The following MED25 variants were observed in gnomAD, a reference collection of about 807,000 sequenced individuals.
MED25 encodes the protein mediator of RNA polymerase II transcription subunit 25.
Under a neutral mutation model 89.4 loss-of-function variants are expected in MED25, and 62 were observed. The observed-to-expected ratio is 0.69, with a 90% CI of 0.57 to 0.86. The LOEUF is 0.86. Among genes scored for constraint, MED25 ranks in the 40% least tolerant of loss-of-function variants. The pLI, the probability that MED25 is intolerant of heterozygous loss-of-function variation, is 0.00. For missense variants in MED25, 905 were observed against 1,005.2 expected, an observed-to-expected ratio of 0.90 and a Z score of 1.35; for synonymous variants, 449 against 427.9, an observed-to-expected ratio of 1.05 and a Z score of -0.61.
Position 49,836,727 on chromosome 19 carries a change from G to T in MED25, c.2147-120G>T. The T allele has an allele frequency of 1.3e-6, 1 of 786,030 alleles. No individual in the cohort carries two copies. The highest frequency in any genetic ancestry group is 2.2e-6 in the Non-Finnish European group (1 of 447,980). 48.7% of individuals were successfully genotyped at this position (786,030 alleles called of 1,614,324 possible). A position where few individuals can be genotyped will look rare whatever the true frequency, so the allele number is the denominator to read the frequency against. On this transcript the variant is annotated intron_variant, in intron 17 of 17. Coordinates refer to ENST00000312865, the MANE Select transcript of MED25 (RefSeq NM_030973.4). The surrounding 1 kb of genome is among the most constrained non-coding windows in gnomAD (Gnocchi z 5.1). ...GGAAACAGCATATTTGTAACTAGAT[G>T]GGGCCAGAAGGTGCTTCTGTTGGGT...
At position 49,828,998 on chromosome 19, in the gene MED25, A is replaced by C; in HGVS notation, c.433A>C (p.Ile145Leu). ...IGQTHRVCLL[I>L]CNSPPYLLPA... is the part of the protein sequence containing the mutation. ...CCAGACGCACCGGGTCTGCCTCCTC[A>C]TCTGCAACTCACCCCCATACTTGTT... Residue 145 changes from isoleucine to leucine, a missense_variant, in exon 5 of 18, where the codon ATC becomes CTC. Coordinates refer to ENST00000312865, the MANE Select transcript of MED25 (RefSeq NM_030973.4). The C allele has an allele frequency of 6.2e-7, 1 of 1,614,000 alleles. No individual in the cohort carries two copies. Among genetic ancestry groups the C allele is most frequent in the Non-Finnish European group, 8.5e-7 (1 of 1,179,986 alleles).
chr19:49,821,962 C>G (rs1488855992), intron 3 of MED25, among the ~76,000 whole-genome samples: 1 of 149,892 alleles, frequency 6.7e-6, no homozygotes, highest in African/African-American at 2.5e-5. Context: ...AACCCCGTCT[C>G]TACAAAAAAT....
Position 49,836,257 on chromosome 19 carries a change from C to A in MED25, c.1997C>A (p.Ser666Tyr). ...ACTGGGGTGCCCCCACCCCAGGCCT[C>A]CCTCCACCACCTCCAGCCACCAGGG... Reference protein sequence around the residue: ...PQTGVPPPQASLHHLQPPGAP... With the variant: ...PQTGVPPPQAYLHHLQPPGAP... The change falls in exon 17 of 18, where the codon TCC becomes TAC. Residue 666 changes from serine (S) to tyrosine (Y), a missense_variant. Around this residue, in one of 3 missense-constraint regions of MED25, gnomAD observed 271 missense variants for 258.1 expected, o/e 1.05. Transcript: ENST00000312865. The surrounding 1 kb of genome is among the most constrained non-coding windows in gnomAD (Gnocchi z 5.1). 1 of 1,612,530 alleles carries A rather than the reference C, an allele frequency of 6.2e-7. No individual in the cohort carries two copies. The highest frequency in any genetic ancestry group is 8.5e-7 in the Non-Finnish European group (1 of 1,179,820).
Position 49,831,333 on chromosome 19 carries a change from G to A in MED25, c.1102G>A (p.Ala368Thr). ...GGCCCTCCTTCCTCCCCTCTGGCAG[G>A]CAGGCACTGTGGCCCCAGGAGGGGT... ...PTAQPGAPSM[A>T]GTVAPGGVSG... The change falls in exon 10 of 18, where the codon GCA (alanine) becomes ACA (threonine). Residue 368 changes from alanine to threonine, a missense_variant and splice_region_variant. By Grantham distance (58) the Ala-to-Thr change is moderately conservative (BLOSUM62 0). Around this residue, in one of 3 missense-constraint regions of MED25, gnomAD observed 501 missense variants for 526.9 expected, o/e 0.95. Coordinates refer to ENST00000312865, the MANE Select transcript of MED25 (RefSeq NM_030973.4). The surrounding 1 kb of genome is among the most constrained non-coding windows in gnomAD (Gnocchi z 5.0). The A allele has an allele frequency of 6.2e-7, 1 of 1,610,648 alleles. No homozygotes were observed. Among genetic ancestry groups the A allele is most frequent in the African/African-American group, 1.3e-5 (1 of 75,004 alleles).
rs1245584687 is a variant in MED25, at chr19:49,835,322, C to T, written c.1674+145C>T. On this transcript the variant is annotated intron_variant, in intron 14 of 17. Coordinates refer to ENST00000312865, the MANE Select transcript of MED25 (RefSeq NM_030973.4). This position sits in a 1 kb window ranked among gnomAD's most constrained non-coding sequence, Gnocchi z 6.2. ...GCTAAGTCCCACTCAGATTTTCTTG[C>T]AGTCTCTCTCCTTTTTCAGCATCCA... The T allele has an allele frequency of 2.9e-6, 3 of 1,040,004 alleles. No individual in the cohort carries two copies. Among genetic ancestry groups the T allele is most frequent in the East Asian group, 2.5e-5 (1 of 39,416 alleles). 64.4% of individuals were successfully genotyped at this position (1,040,004 alleles called of 1,614,324 possible).
At position 49,830,058 on chromosome 19, in the gene MED25, T is replaced by C; in HGVS notation, c.689-30T>C. On this transcript the variant is annotated intron_variant, in intron 6 of 17. Coordinates refer to ENST00000312865, the MANE Select transcript of MED25 (RefSeq NM_030973.4). The surrounding 1 kb of genome is among the most constrained non-coding windows in gnomAD (Gnocchi z 4.6). Reference sequence around the variant, plus strand: ...TTCTCTGCATCTTGAATCCCTTCTCTCTGGGGTTGGCCATCCCTCCTGCTC... The same window carrying C: ...TTCTCTGCATCTTGAATCCCTTCTCCCTGGGGTTGGCCATCCCTCCTGCTC... The C allele has an allele frequency of 1.6e-5, 26 of 1,600,892 alleles. No homozygotes were observed. Among genetic ancestry groups the C allele is most frequent in the Non-Finnish European group, 2.2e-5 (26 of 1,173,428 alleles).
rs1336182446 is a variant in MED25 at position 49,819,241 on chromosome 19, T to G, written c.250T>G (p.Cys84Gly). The change falls in exon 3 of 18, where the codon TGT becomes GGT. Residue 84 changes from cysteine (C) to glycine (G), a missense_variant. Physicochemically the swap from Cys to Gly is radical, Grantham distance 159. Around this residue, in one of 3 missense-constraint regions of MED25, gnomAD observed 501 missense variants for 526.9 expected, o/e 0.95. Transcript: ENST00000312865. ...VDCAPESYVQ[C>G]HAPTSSAYEF... ...CTGCGCTCCCGAGTCCTACGTACAATGTCACGCTCCCACCAGCAGCGCCTA... is the reference window on the plus strand; with the variant it reads ...CTGCGCTCCCGAGTCCTACGTACAAGGTCACGCTCCCACCAGCAGCGCCTA... 2 of 1,614,208 alleles carry G rather than the reference T, an allele frequency of 1.2e-6. No individual in the cohort carries two copies. The highest frequency in any genetic ancestry group is 2.2e-5 in the South Asian group (2 of 91,090).
rs757593681 is a variant in MED25, at chr19:49,828,548, G to A, written c.404+1G>A. On this transcript the variant is annotated splice_donor_variant, in intron 4 of 17. Transcript: ENST00000312865. LOFTEE classifies it high-confidence loss of function. ...ACTTCAAGAAGATGCGCGAGCAGATGTGAGTGCCCCCTCCACCCAGGCCGG... is the reference window on the plus strand; with the variant it reads ...ACTTCAAGAAGATGCGCGAGCAGATATGAGTGCCCCCTCCACCCAGGCCGG... 3.1e-6 allele frequency: 5 copies of A among 1,611,544 alleles called. No homozygotes were observed. The South Asian group carries it at 4.4e-5, about 14-fold the overall frequency.
chr19:49,828,395 G>A, intron 3 of MED25, 54 bp from the exon 4 acceptor site: 1 of 1,223,304 alleles, frequency 8.2e-7, no homozygotes, highest in Admixed American at 1.7e-5. Context: ...TTCAAGCATA[G>A]CCTGGGGATG....
intron 2 of MED25, 172 bp downstream of exon 2, chr19:49,818,788 T>A (rs1391386900): frequency 5.7e-6 from 4 of 696,050 alleles, no homozygotes; most frequent in Non-Finnish European, 9.6e-6. Context: ...GACTCCTGGG[T>A]CTGAGGGTGG....
chr19:49,828,392 A>G lies in MED25; in HGVS notation c.306-57A>G, dbSNP rs537598942. 4 of 1,206,240 alleles carry G rather than the reference A, an allele frequency of 3.3e-6. No homozygotes were observed. The South Asian group carries it at 3.6e-5, about 11-fold the overall frequency. The allele number at this position is 1,206,240 out of a possible 1,614,324, so 74.7% of individuals were successfully genotyped here. A position where few individuals can be genotyped will look rare whatever the true frequency, so the allele number is the denominator to read the frequency against. On this transcript the variant is annotated intron_variant, in intron 3 of 17. Coordinates refer to ENST00000312865, the MANE Select transcript of MED25 (RefSeq NM_030973.4). ...CAGCATGGGAGCAGGCTCTTCAAGC[A>G]TAGCCTGGGGATGGGGATGATGGCA...
chr19:49,833,843 C>T (rs1266972132), intron 13 of MED25: 1 of 152,402 alleles, frequency 6.6e-6, no homozygotes, highest in Non-Finnish European at 1.5e-5. Context: ...CATGGCCTGT[C>T]CACGTGGCCA....
At chr19:49,823,699 C>G (rs1022159337) in intron 3 of MED25, among the ~76,000 whole-genome samples, 21 of 152,110 alleles carry the variant, frequency 1.4e-4, no homozygotes, top group Admixed American at 6.6e-4. Flanking sequence ...TATGTGCGTG[C>G]AAGTGCTGGG....
At chr19:49,822,991 C>T (rs1216602524) in intron 3 of MED25, among the ~76,000 whole-genome samples, 1 of 152,100 alleles carries the variant, frequency 6.6e-6, no homozygotes, top group South Asian at 2.1e-4. Flanking sequence ...CTCTGTTGCC[C>T]AGATTGGAGT....
chr19:49,819,088 G>A, intron 2 of MED25, 84 bp from the exon 3 acceptor site: 4 of 1,534,322 alleles, frequency 2.6e-6, no homozygotes, highest in Non-Finnish European at 3.6e-6. Flanking sequence ...CTGGAGGAAC[G>A]GGAAGCTGGG....
rs1042515250 is a variant in MED25 at position 49,830,104 on chromosome 19, C to A, written c.705C>A (p.Ala235=). 1 of 1,608,236 alleles carries A rather than the reference C, an allele frequency of 6.2e-7. No individual in the cohort carries two copies. Among genetic ancestry groups the A allele is most frequent in the African/African-American group, 1.3e-5 (1 of 74,970 alleles). The part of the protein sequence containing the change: ...GLVLPVGGGS[A]PGPLQSKQPV... ...TGCTCTCAGTTGGGGGTGGCTCAGC[C>A]CCAGGCCCCCTCCAGTCAAAGCAGC... The change falls in exon 7 of 18, where the codon GCC becomes GCA. Residue 235 remains alanine (A), a synonymous_variant. Coordinates refer to ENST00000312865, the MANE Select transcript of MED25 (RefSeq NM_030973.4). This position sits in a 1 kb window ranked among gnomAD's most constrained non-coding sequence, Gnocchi z 4.6.
At position 49,830,005 on chromosome 19, in the gene MED25, T is replaced by C. The variant is rs534849322; in HGVS notation, c.688+57T>C. 181 of 1,597,888 alleles carry C rather than the reference T, an allele frequency of 1.1e-4. No individual in the cohort carries two copies. In the African/African-American group the frequency reaches 2.1e-3, roughly 18 times the overall value. On this transcript the variant is annotated intron_variant, in intron 6 of 17. Coordinates refer to ENST00000312865, the MANE Select transcript of MED25 (RefSeq NM_030973.4). This position sits in a 1 kb window ranked among gnomAD's most constrained non-coding sequence, Gnocchi z 4.6. ...GGCTCGACGTGTTTCCCCAGCTCCC[T>C]CTGACTTGGATTTTGGATTTCTCTC...
rs2074060664 is a variant in MED25, at chr19:49,831,976, C to T, written c.1271C>T (p.Thr424Met). The T allele has an allele frequency of 1.9e-6, 3 of 1,613,956 alleles. No individual in the cohort carries two copies. The highest frequency in any genetic ancestry group is 2.5e-6 in the Non-Finnish European group (3 of 1,180,024). The change falls in exon 11 of 18, where the codon ACG (threonine) becomes ATG (methionine). Residue 424 changes from threonine to methionine, a missense_variant. Coordinates refer to ENST00000312865, the MANE Select transcript of MED25 (RefSeq NM_030973.4). This position sits in a 1 kb window ranked among gnomAD's most constrained non-coding sequence, Gnocchi z 5.0. ...PASVDANTKL[T>M]RSLPCQVYVN... is the part of the protein sequence containing the mutation. ...TCAGTGGATGCCAACACCAAGCTGA[C>T]GCGGTCACTGCCCTGCCAGGTCTAC...
In MED25 at chr19:49,829,552, T is replaced by G. The variant is rs1045239252; in HGVS notation, c.526-234T>G. Among the ~76,000 whole-genome samples, 1 of 152,178 alleles carries G rather than the reference T, an allele frequency of 6.6e-6. No individual in the cohort carries two copies. Among genetic ancestry groups the G allele is most frequent in the Non-Finnish European group, 1.5e-5 (1 of 68,032 alleles). On this transcript the variant is annotated intron_variant, in intron 5 of 17. Transcript: ENST00000312865. This position sits in a 1 kb window ranked among gnomAD's most constrained non-coding sequence, Gnocchi z 4.6. ...ACTCGGTCTCACAAAATCCTGGGAT[T>G]ACAGACGTGAGCCTCCACACCTGGC...
Sources: gnomAD v4.1 joint callset for allele counts (sites outside exome capture counted in the v4.1 genomes callset) on GRCh38, gnomAD v4.1.1 for gene constraint, gnomAD v4.1.1 regional missense constraint, Gnocchi (gnomAD v3.1) non-coding constraint, MANE v1.5 for transcripts, NCBI Gene and HGNC (gene_info 2026-07-23, HGNC 2026-07-21) for gene names.